Variants in CPA6 observed in about 807,000 individuals in gnomAD.
CPA6 encodes carboxypeptidase A6, also known as carboxypeptidase B.
A neutral mutation model predicts 63.3 loss-of-function variants in CPA6; 58 were observed. The observed-to-expected ratio is 0.92, with a 90% CI of 0.74 to 1.14. The LOEUF (loss-of-function observed/expected upper bound fraction) is 1.14. Among genes scored for constraint, CPA6 ranks in the 50% most tolerant of loss-of-function variants. The probability of loss-of-function intolerance (pLI) is 0.00; values close to 1 mark genes in which losing one functional copy is unlikely to be tolerated. For missense variants in CPA6, 565 were observed against 526.6 expected (o/e 1.07, Z -0.71); for synonymous variants, 185 against 179.0 (o/e 1.03, Z -0.27).
chr8:67,653,482 G>T (rs1209671352), intron 1 of CPA6, among the ~76,000 whole-genome samples: 3 of 150,830 alleles, frequency 2.0e-5, no homozygotes, highest in Non-Finnish European at 4.4e-5. Context: ...GGATTCCTAG[G>T]TATTTTATTC....
intron 1 of CPA6, among the ~76,000 whole-genome samples, chr8:67,632,720 T>C (rs190045895): frequency 1.4e-3 from 214 of 152,338 alleles, no homozygotes; most frequent in African/African-American, 4.9e-3. Flanking sequence ...TTAAAAAATA[T>C]ATGAAGCAGT....
intron 8 of CPA6, among the ~76,000 whole-genome samples, chr8:67,462,216 T>C (rs1267473935): frequency 6.8e-6 from 1 of 146,326 alleles, no homozygotes; most frequent in Admixed American, 6.8e-5. Context: ...TTTTATTATA[T>C]CCATCTGTGA....
chr8:67,564,201 G>C (rs1813282201), intron 2 of CPA6, among the ~76,000 whole-genome samples: 1 of 152,150 alleles, frequency 6.6e-6, no homozygotes, highest in African/African-American at 2.4e-5. Flanking sequence ...ATAGGAAACA[G>C]AAAGCACTAG....
At chr8:67,552,609 T>C (rs1159984607) in intron 2 of CPA6, among the ~76,000 whole-genome samples, 1 of 151,138 alleles carries the variant, frequency 6.6e-6, no homozygotes, top group Non-Finnish European at 1.5e-5. Context: ...CCGCCTCTAC[T>C]AAAAATACAA....
chr8:67,508,924 C>G (rs969538447), intron 5 of CPA6, among the ~76,000 whole-genome samples: 3 of 152,034 alleles, frequency 2.0e-5, no homozygotes, highest in African/African-American at 7.3e-5. Flanking sequence ...GTTTAATTGG[C>G]TCACAGTTCC....
At chr8:67,590,288 A>T (rs941020108) in intron 2 of CPA6, among the ~76,000 whole-genome samples, 2 of 151,194 alleles carry the variant, frequency 1.3e-5, no homozygotes, top group African/African-American at 4.9e-5. Context: ...CCAGTCTATC[A>T]TTGTTGGACA....
At chr8:67,562,180 A>C (rs1240259860) in intron 2 of CPA6, among the ~76,000 whole-genome samples, 1 of 152,174 alleles carries the variant, frequency 6.6e-6, no homozygotes, top group Non-Finnish European at 1.5e-5. Flanking sequence ...TCTTTAGATG[A>C]GCTTTAAGTC....
chr8:67,592,039 T>C (rs531137835), intron 2 of CPA6, among the ~76,000 whole-genome samples: 67 of 152,326 alleles, frequency 4.4e-4, no homozygotes, highest in African/African-American at 1.6e-3. Context: ...TAGATAGCTC[T>C]TATTATTTTG....
intron 1 of CPA6, among the ~76,000 whole-genome samples, chr8:67,643,794 G>T (rs1037662210): frequency 2.0e-5 from 3 of 152,168 alleles, no homozygotes; most frequent in African/African-American, 7.2e-5. Flanking sequence ...GAGAAAGAAT[G>T]ACCTAGTACC....
chr8:67,606,002 G>C (rs1412045964), intron 2 of CPA6, among the ~76,000 whole-genome samples: 2 of 151,964 alleles, frequency 1.3e-5, no homozygotes, highest in Admixed American at 6.6e-5. Flanking sequence ...CTGTAAAAAG[G>C]CTATGGAATA....
At chr8:67,576,173 A>G (rs1813620634) in intron 2 of CPA6, among the ~76,000 whole-genome samples, 1 of 152,212 alleles carries the variant, frequency 6.6e-6, no homozygotes, top group Non-Finnish European at 1.5e-5. Context: ...ACTTAAGACA[A>G]TAAATGTCAA....
At chr8:67,558,030 G>A (rs759328700) in intron 2 of CPA6, among the ~76,000 whole-genome samples, 6 of 152,068 alleles carry the variant, frequency 3.9e-5, no homozygotes, top group Admixed American at 6.6e-5. Flanking sequence ...CTGTATGAGC[G>A]GGCCCCAGCT....
chr8:67,492,972 G>A (rs938303730), intron 6 of CPA6, among the ~76,000 whole-genome samples: 1 of 152,170 alleles, frequency 6.6e-6, no homozygotes. Flanking sequence ...TAACGGTACT[G>A]AAGGCCAGGA....
At chr8:67,660,496 ATTTTTTTTTTTTT>A (rs5892089) in intron 1 of CPA6, among the ~76,000 whole-genome samples, 4 of 78,940 alleles carry the variant, frequency 5.1e-5, no homozygotes, top group Non-Finnish European at 6.8e-5. Flanking sequence ...TGCCCGGCTC[ATTTTTTTTTTTTT>A]TTTTTTTTTT....
At chr8:67,557,847 C>T (rs947822080) in intron 2 of CPA6, among the ~76,000 whole-genome samples, 1 of 152,118 alleles carries the variant, frequency 6.6e-6, no homozygotes, top group African/African-American at 2.4e-5. Context: ...AGTTACTGAG[C>T]CTTGGGGTAC....
intron 1 of CPA6, among the ~76,000 whole-genome samples, chr8:67,625,889 C>A (rs376497918): frequency 3.9e-5 from 6 of 152,082 alleles, no homozygotes; most frequent in African/African-American, 1.2e-4. Context: ...GATTGTGTCC[C>A]CACCCAAATC....
chr8:67,632,219 G>A (rs929500592), intron 1 of CPA6, among the ~76,000 whole-genome samples: 1 of 151,836 alleles, frequency 6.6e-6, no homozygotes, highest in Non-Finnish European at 1.5e-5. Context: ...CATGCAGGCT[G>A]GAGTGCAGGG....
intron 8 of CPA6, among the ~76,000 whole-genome samples, chr8:67,463,255 C>T (rs1810853340): frequency 6.6e-6 from 1 of 151,946 alleles, no homozygotes; most frequent in Non-Finnish European, 1.5e-5. Context: ...ACCAGCCTGG[C>T]CAACATGGTG....
intron 1 of CPA6, among the ~76,000 whole-genome samples, chr8:67,672,489 TCTC>T (rs1468149391): frequency 6.6e-6 from 1 of 152,092 alleles, no homozygotes; most frequent in Non-Finnish European, 1.5e-5. Flanking sequence ...CTCCTGTCCT[TCTC>T]CTCATCACTC....
Sources: gnomAD v4.1 joint callset for allele counts (sites outside exome capture counted in the v4.1 genomes callset) on GRCh38, gnomAD v4.1.1 for gene constraint, MANE v1.5 for transcripts, NCBI Gene and HGNC (gene_info 2026-07-23, HGNC 2026-07-21) for gene names.